The following COL25A1 variants were observed in gnomAD, a reference collection of about 807,000 sequenced individuals.
The protein encoded by COL25A1 is collagen alpha-1(XXV) chain.
COL25A1 carries 103 observed loss-of-function variants against 128.4 expected under a neutral mutation model. That is an observed-to-expected ratio of 0.80 (90% CI 0.68 to 0.94). The LOEUF is 0.94. Among genes scored for constraint, COL25A1 ranks in the 40% least tolerant of loss-of-function variants. The pLI is 0.00. For missense variants in COL25A1, 745 were observed against 840.0 expected, an observed-to-expected ratio of 0.89 and a Z score of 1.40; for synonymous variants, 279 against 277.2, an observed-to-expected ratio of 1.01 and a Z score of -0.06.
At chr4:109,002,932 C>T (rs1387341342) in intron 6 of COL25A1, among the ~76,000 whole-genome samples, 1 of 152,038 alleles carries the variant, frequency 6.6e-6, no homozygotes, top group Non-Finnish European at 1.5e-5. Context: ...CCTCTCCTTG[C>T]CCCTGACCCC....
rs557914136 is a variant in COL25A1 at position 108,869,111 on chromosome 4, A to T, written c.1060T>A (p.Leu354Ile). The T allele has an allele frequency of 6.4e-7, 1 of 1,560,424 alleles. No individual in the cohort carries two copies. Among genetic ancestry groups the T allele is most frequent in the Admixed American group, 2.0e-5 (1 of 49,098 alleles). ...GFIGPQGEPGLPGLPGTKGER... is the reference protein window; with the variant it reads ...GFIGPQGEPGIPGLPGTKGER... ...ACTTTTGTTCCTGGTAAACCTGGTA[A>T]GCCTGGTTCTCCTTGAGGACCAATG... The change falls in exon 20 of 38, where the codon TTA becomes ATA. Residue 354 changes from leucine (L) to isoleucine (I), a missense_variant. Transcript: ENST00000399132.
intron 3 of COL25A1, among the ~76,000 whole-genome samples, chr4:109,085,395 CTT>C (rs2126000300): frequency 6.6e-6 from 1 of 152,298 alleles, no homozygotes. Flanking sequence ...CCCTTTCTCT[CTT>C]GTCTATTCTG....
In COL25A1 at chr4:108,917,156, C is replaced by T. The variant is rs1024218267; in HGVS notation, c.780+1016G>A. Among the ~76,000 whole-genome samples the T allele has an allele frequency of 5.3e-5, 8 of 152,282 alleles. No homozygotes were observed. In the South Asian group the frequency reaches 1.2e-3, roughly 24 times the overall value. On this transcript the variant is annotated intron_variant, in intron 13 of 37. Coordinates refer to ENST00000399132, the MANE Select transcript of COL25A1 (RefSeq NM_198721.4). ...TCCAAGGACTTTGCCAAAATTCACA[C>T]AGCCTCTGAGTGGAAGACTCATGCT...
At chr4:109,060,525 G>A (rs1328005304) in intron 3 of COL25A1, among the ~76,000 whole-genome samples, 1 of 151,886 alleles carries the variant, frequency 6.6e-6, no homozygotes, top group East Asian at 1.9e-4. Context: ...GTTAGCAGTT[G>A]GTCTATTTAC....
intron 3 of COL25A1, among the ~76,000 whole-genome samples, chr4:109,158,297 T>C (rs1424116568): frequency 6.6e-6 from 1 of 151,712 alleles, no homozygotes; most frequent in Admixed American, 6.6e-5. Flanking sequence ...TTCCTGTGAA[T>C]GCCAATGTTT....
At chr4:109,247,274 C>G (rs1213188715) in intron 3 of COL25A1, among the ~76,000 whole-genome samples, 1 of 151,966 alleles carries the variant, frequency 6.6e-6, no homozygotes, top group Non-Finnish European at 1.5e-5. Context: ...GGCTTGAACC[C>G]AGGAGGGGGA....
At chr4:109,005,652 T>C (rs1308583227) in intron 6 of COL25A1, among the ~76,000 whole-genome samples, 1 of 152,084 alleles carries the variant, frequency 6.6e-6, no homozygotes, top group Admixed American at 6.6e-5. Context: ...GTCAGAAGTG[T>C]AGATTAGAAG....
In COL25A1 at chr4:109,187,466, C is replaced by T. The variant is rs188075726; in HGVS notation, c.367+113117G>A. On this transcript the variant is annotated intron_variant, in intron 3 of 37. Coordinates refer to ENST00000399132, the MANE Select transcript of COL25A1 (RefSeq NM_198721.4). ...CAAGTTATTTGACTGCCCTCTGCTT[C>T]AGTTTCCTCATTTGTAAGATTGCCT... 1.9e-3 allele frequency among the ~76,000 whole-genome samples: 286 copies of T among 152,310 alleles called. 1 individual carries two copies. The highest frequency in any genetic ancestry group is 6.6e-3 in the African/African-American group (273 of 41,558).
intron 8 of COL25A1, among the ~76,000 whole-genome samples, chr4:108,973,469 T>G (rs1212027899): frequency 6.6e-6 from 1 of 152,252 alleles, no homozygotes; most frequent in Non-Finnish European, 1.5e-5. Flanking sequence ...ACTGCATCTT[T>G]TGCAAAAATA....
At chr4:109,249,791 A>C (rs957774255) in intron 3 of COL25A1, among the ~76,000 whole-genome samples, 1 of 152,164 alleles carries the variant, frequency 6.6e-6, no homozygotes, top group Non-Finnish European at 1.5e-5. Context: ...CTATCAACAA[A>C]AGGTTGTGTT....
intron 16 of COL25A1, among the ~76,000 whole-genome samples, chr4:108,892,193 C>T (rs527616179): frequency 2.0e-4 from 31 of 152,172 alleles, no homozygotes; most frequent in African/African-American, 6.7e-4. Flanking sequence ...ACCCCAACTG[C>T]GTCTTAAGTA....
chr4:108,924,461 C>A (rs541407913), intron 11 of COL25A1, among the ~76,000 whole-genome samples: 1 of 152,228 alleles, frequency 6.6e-6, no homozygotes, highest in South Asian at 2.1e-4. Context: ...TCATAGACCC[C>A]ATGTTGGTGA....
intron 8 of COL25A1, among the ~76,000 whole-genome samples, chr4:108,966,053 G>A (rs1010494939): frequency 1.3e-5 from 2 of 152,158 alleles, no homozygotes; most frequent in African/African-American, 4.8e-5. Context: ...CTATTGAGTT[G>A]AGAAGTAAAA....
intron 3 of COL25A1, among the ~76,000 whole-genome samples, chr4:109,161,875 G>A (rs957726609): frequency 6.6e-6 from 1 of 152,160 alleles, no homozygotes; most frequent in Non-Finnish European, 1.5e-5. Context: ...ACCAGGGACC[G>A]TGTGTTAACT....
intron 3 of COL25A1, among the ~76,000 whole-genome samples, chr4:109,272,733 T>C (rs890716208): frequency 2.6e-5 from 4 of 152,176 alleles, no homozygotes; most frequent in Admixed American, 6.6e-5. Flanking sequence ...CCAACCATGC[T>C]TGGAAGATTT....
chr4:109,006,743 C>A (rs574117490), intron 6 of COL25A1, among the ~76,000 whole-genome samples: 1 of 152,168 alleles, frequency 6.6e-6, no homozygotes, highest in South Asian at 2.1e-4. Flanking sequence ...CTACATGTAT[C>A]ATTTCTAAGT....
intron 3 of COL25A1, among the ~76,000 whole-genome samples, chr4:109,107,856 G>A (rs935812221): frequency 1.2e-4 from 18 of 152,152 alleles, no homozygotes; most frequent in Admixed American, 1.1e-3. Flanking sequence ...TGGGCACCTC[G>A]TGTATACACA....
intron 32 of COL25A1, among the ~76,000 whole-genome samples, chr4:108,829,461 T>C (rs377591358): frequency 7.2e-5 from 11 of 152,086 alleles, no homozygotes; most frequent in African/African-American, 2.2e-4. Context: ...TGTGTGTGTG[T>C]GCGCCCACAC....
At chr4:109,251,777 T>C (rs1780664095) in intron 3 of COL25A1, among the ~76,000 whole-genome samples, 1 of 152,244 alleles carries the variant, frequency 6.6e-6, no homozygotes, top group Non-Finnish European at 1.5e-5. Flanking sequence ...TAGTGAGTGA[T>C]GCCAATCCCA....
Sources: gnomAD v4.1 joint callset for allele counts (sites outside exome capture counted in the v4.1 genomes callset) on GRCh38, gnomAD v4.1.1 for gene constraint, MANE v1.5 for transcripts, NCBI Gene and HGNC (gene_info 2026-07-23, HGNC 2026-07-21) for gene names.